Variants in COPG2 observed in about 807,000 individuals in gnomAD.
COPG2 encodes coat protein complex I subunit gamma 2, also known as coatomer subunit gamma-2.
A neutral mutation model predicts 46.3 loss-of-function variants in COPG2; 37 were observed. The ratio of observed to expected loss-of-function variants is 0.80; its 90% CI spans 0.61 to 1.05. The LOEUF is 1.05. Among genes scored for constraint, COPG2 ranks in the 50% least tolerant of loss-of-function variants. COPG2 has a pLI of 0.00. For missense variants in COPG2, 427 were observed against 387.8 expected, an observed-to-expected ratio of 1.10 and a Z score of -0.85; for synonymous variants, 159 against 129.7, an observed-to-expected ratio of 1.23 and a Z score of -1.53.
At chr7:130,576,186 T>A (rs557180643) in intron 9 of COPG2, among the ~76,000 whole-genome samples, 3 of 152,196 alleles carry the variant, frequency 2.0e-5, no homozygotes, top group African/African-American at 7.2e-5. Context: ...AACAAAGAAA[T>A]AATGGATTTA....
At chr7:130,533,991 G>GA (rs1253448436) in intron 20 of COPG2, among the ~76,000 whole-genome samples, 3 of 141,674 alleles carry the variant, frequency 2.1e-5, no homozygotes, top group East Asian at 5.0e-4. Flanking sequence ...TGGGGTGGGG[G>GA]GGGTGGAGCA....
intron 20 of COPG2, among the ~76,000 whole-genome samples, chr7:130,513,302 A>AT (rs1437216155): frequency 2.4e-4 from 9 of 38,258 alleles, no homozygotes; most frequent in African/African-American, 1.1e-3. Context: ...AAAAAAAAAA[A>AT]AAAAAAATAT....
In COPG2 at chr7:130,611,083, G is replaced by C. The variant is rs181367479; in HGVS notation, c.607C>G (p.Leu203Val). Residue 203 changes from leucine to valine, a missense_variant, in exon 9 of 24, where the codon CTT becomes GTT. By Grantham distance (32) the Leu-to-Val change is conservative. Coordinates refer to ENST00000425248, the MANE Select transcript of COPG2 (RefSeq NM_012133.6). ...ACAGCAAGTCGATCATTCTTTCTAA[G>C]GTGATACAGGACTCCCAATGCATGG... ...QYHALGVLYHLRKNDRLAVSK... is the reference protein window; with the variant it reads ...QYHALGVLYHVRKNDRLAVSK... The C allele has an allele frequency of 2.5e-4, 410 of 1,613,630 alleles. 2 individuals carry two copies. In the East Asian group the frequency reaches 6.4e-3, roughly 25 times the overall value.
intron 9 of COPG2, among the ~76,000 whole-genome samples, chr7:130,589,010 T>C (rs782019111): frequency 5.3e-4 from 80 of 152,206 alleles, no homozygotes; most frequent in Non-Finnish European, 9.8e-4. Context: ...AGAAATGGCA[T>C]TGGCTGTATA....
intron 16 of COPG2, among the ~76,000 whole-genome samples, chr7:130,550,935 TAGC>T (rs1292824060): frequency 5.3e-5 from 8 of 152,086 alleles, no homozygotes; most frequent in Non-Finnish European, 1.2e-4. Context: ...GGAACAATGA[TAGC>T]ATAAGAAAAC....
chr7:130,535,092 C>T (rs1260268151), intron 20 of COPG2, among the ~76,000 whole-genome samples: 5 of 152,050 alleles, frequency 3.3e-5, no homozygotes, highest in Admixed American at 2.6e-4. Context: ...AAAGTTTGAG[C>T]GGTGAGGAGA....
intron 10 of COPG2, among the ~76,000 whole-genome samples, chr7:130,563,934 G>A (rs925939785): frequency 6.6e-5 from 10 of 151,022 alleles, no homozygotes; most frequent in South Asian, 2.1e-4. Flanking sequence ...TAAACACCAA[G>A]GAAAACTGTA....
intron 20 of COPG2, among the ~76,000 whole-genome samples, chr7:130,538,136 G>A (rs1044519236): frequency 1.3e-5 from 2 of 151,904 alleles, no homozygotes; most frequent in Non-Finnish European, 2.9e-5. Context: ...TCCTGAGTCT[G>A]TGGATTGACC....
chr7:130,620,985 A>C (rs1795029668), intron 5 of COPG2, among the ~76,000 whole-genome samples: 1 of 152,204 alleles, frequency 6.6e-6, no homozygotes, highest in African/African-American at 2.4e-5. Context: ...GATTAAGTTA[A>C]AGACACTGAG....
intron 14 of COPG2, 23 bp downstream of exon 14, chr7:130,554,458 A>G (rs1202230618): frequency 9.8e-5 from 39 of 398,426 alleles, no homozygotes; most frequent in Non-Finnish European, 1.5e-4. Flanking sequence ...AGCATCGTCA[A>G]TATCAGTGTC....
At chr7:130,607,368 T>C in intron 9 of COPG2, 18 of 396,576 alleles carry the variant, frequency 4.5e-5, no homozygotes, top group South Asian at 3.5e-4. Flanking sequence ...TTAGTTTCTA[T>C]TGATTGCTTT....
intron 9 of COPG2, among the ~76,000 whole-genome samples, chr7:130,581,853 CA>C (rs1483989718): frequency 1.4e-4 from 19 of 135,646 alleles, no homozygotes; most frequent in Non-Finnish European, 3.1e-4. Context: ...AAAGAGGATA[CA>C]AACAAATGGA....
At chr7:130,660,768 T>C (rs1193248785) in intron 4 of COPG2, among the ~76,000 whole-genome samples, 1 of 152,166 alleles carries the variant, frequency 6.6e-6, no homozygotes, top group Admixed American at 6.5e-5. Flanking sequence ...AGCCTATCAG[T>C]AACAGCATCC....
chr7:130,543,135 C>G, intron 20 of COPG2, among the ~76,000 whole-genome samples: 1 of 152,290 alleles, frequency 6.6e-6, no homozygotes, highest in Non-Finnish European at 1.5e-5. Context: ...ATTTTGAAAG[C>G]AAACAATTAA....
At chr7:130,507,176 G>A (rs577287593) in intron 23 of COPG2, 98 bp downstream of exon 23, 102 of 731,418 alleles carry the variant, frequency 1.4e-4, no homozygotes, top group Non-Finnish European at 2.3e-4. Flanking sequence ...CTCATATAAT[G>A]GGATGATGGG....
chr7:130,631,939 G>A (rs1554455283), intron 5 of COPG2, among the ~76,000 whole-genome samples: 1 of 152,106 alleles, frequency 6.6e-6, no homozygotes, highest in African/African-American at 2.4e-5. Context: ...TCTTTCAGCG[G>A]TTTTTAAGTC....
At chr7:130,651,444 G>A (rs1554459057) in intron 5 of COPG2, among the ~76,000 whole-genome samples, 1 of 143,508 alleles carries the variant, frequency 7.0e-6, no homozygotes, top group East Asian at 2.1e-4. Context: ...AGCCTCCCAA[G>A]TAGCTGGAAT....
Position 130,611,070 on chromosome 7 carries a change from T to A in COPG2, c.620A>T (p.Asp207Val). The change falls in exon 9 of 24, where the codon GAT (aspartate) becomes GTT (valine). Residue 207 changes from aspartate (D) to valine (V), a missense_variant. Asp to Val is a radical substitution (Grantham distance 152). Coordinates refer to ENST00000425248, the MANE Select transcript of COPG2 (RefSeq NM_012133.6). ...LGVLYHLRKN[D>V]RLAVSKMLNK... ...CAACATCTTGGAAACAGCAAGTCGA[T>A]CATTCTTTCTAAGGTGATACAGGAC... 1 of 1,613,838 alleles carries A rather than the reference T, an allele frequency of 6.2e-7. No homozygotes were observed. Among genetic ancestry groups the A allele is most frequent in the Non-Finnish European group, 8.5e-7 (1 of 1,179,832 alleles).
At chr7:130,507,221 T>C (rs1293936530) in intron 23 of COPG2, 53 bp downstream of exon 23, 2 of 778,362 alleles carry the variant, frequency 2.6e-6, no homozygotes, top group East Asian at 4.9e-5. Context: ...ATCTATATCC[T>C]ATTATTAAGC....
Sources: gnomAD v4.1 joint callset for allele counts (sites outside exome capture counted in the v4.1 genomes callset) on GRCh38, gnomAD v4.1.1 for gene constraint, MANE v1.5 for transcripts, NCBI Gene and HGNC (gene_info 2026-07-23, HGNC 2026-07-21) for gene names.